The following RIMS1 variants were observed in gnomAD, a reference collection of about 807,000 sequenced individuals.
RIMS1 encodes the protein regulating synaptic membrane exocytosis 1.
Under a neutral mutation model 214.1 loss-of-function variants are expected in RIMS1, and 83 were observed. The observed-to-expected ratio is 0.39, with a 90% confidence interval of 0.32 to 0.47. The LOEUF is 0.47. RIMS1 is among the 20% of genes least tolerant of loss of function. The probability of loss-of-function intolerance (pLI) is 0.99; values close to 1 mark genes in which losing one functional copy is unlikely to be tolerated. For synonymous variants in RIMS1, 793 were observed against 786.8 expected (o/e 1.01, Z -0.13); for missense variants, 2,050 against 2,161.8 (o/e 0.95, Z 1.03).
chr6:71,905,554 G>T (rs1775011659), intron 1 of RIMS1, among the ~76,000 whole-genome samples: 1 of 151,370 alleles, frequency 6.6e-6, no homozygotes, highest in Admixed American at 6.6e-5. Context: ...ATTTAAGTTA[G>T]AATAATTTAA....
chr6:72,230,329 A>AAT (rs2061548331), intron 6 of RIMS1, among the ~76,000 whole-genome samples: 1 of 151,678 alleles, frequency 6.6e-6, no homozygotes, highest in Non-Finnish European at 1.5e-5. Context: ...GATAGTCAAG[A>AAT]AGTTCAAATT....
rs773456988 is a variant in RIMS1, at chr6:71,969,004, G to A, written c.186G>A (p.Ala62=). 25 of 1,613,958 alleles carry A rather than the reference G, an allele frequency of 1.5e-5. No individual in the cohort carries two copies. Among genetic ancestry groups the A allele is most frequent in the African/African-American group, 2.7e-5 (2 of 75,052 alleles). The change falls in exon 2 of 34, where the codon GCG becomes GCA. Residue 62 remains alanine, a synonymous_variant. Coordinates refer to ENST00000521978, the MANE Select transcript of RIMS1 (RefSeq NM_014989.7). ...AMLKCVVRDM[A]KPAACKTPRN... ...CCAGGTGTGTTGTCAGGGACATGGC[G>A]AAGCCTGCTGCCTGCAAAACACCAA... is the stretch of plus-strand genomic sequence containing the variant.
chr6:71,929,859 T>G (rs2150885035), intron 1 of RIMS1, among the ~76,000 whole-genome samples: 1 of 152,142 alleles, frequency 6.6e-6, no homozygotes, highest in South Asian at 2.1e-4. Context: ...TCTGTAAAAC[T>G]TGGTGTGAAA....
chr6:72,330,232 TTGC>T (rs2154336790), intron 28 of RIMS1, among the ~76,000 whole-genome samples: 1 of 151,946 alleles, frequency 6.6e-6, no homozygotes, highest in South Asian at 2.1e-4. Context: ...GTGACAGGAT[TTGC>T]TGTGTGGAGT....
chr6:72,271,278 AAAAAAAAAATAT>A (rs1342210641), intron 22 of RIMS1, among the ~76,000 whole-genome samples: 102 of 51,274 alleles, frequency 2.0e-3, no homozygotes, highest in African/African-American at 5.8e-3. Flanking sequence ...GGAAAAAAAA[AAAAAAAAAATAT>A]ATATATATAT....
intron 26 of RIMS1, among the ~76,000 whole-genome samples, chr6:72,293,174 A>T (rs1159597073): frequency 6.6e-6 from 1 of 152,034 alleles, no homozygotes; most frequent in Non-Finnish European, 1.5e-5. Flanking sequence ...CACTGGTGTG[A>T]TAAACTCTGA....
chr6:72,000,915 T>G (rs1804983668), intron 2 of RIMS1, among the ~76,000 whole-genome samples: 1 of 152,202 alleles, frequency 6.6e-6, no homozygotes, highest in African/African-American at 2.4e-5. Context: ...CAAATTTTTT[T>G]TTAACTACTA....
At chr6:71,977,751 CAG>C (rs144129461) in intron 2 of RIMS1, among the ~76,000 whole-genome samples, 17,917 of 152,082 alleles carry the variant, frequency 0.12, 1,250 homozygotes, top group South Asian at 0.19. Context: ...ATGTGGAAAA[CAG>C]AGTATCATGT....
intron 28 of RIMS1, among the ~76,000 whole-genome samples, chr6:72,331,388 G>A (rs915180226): frequency 8.6e-5 from 13 of 151,798 alleles, no homozygotes; most frequent in African/African-American, 7.2e-5. Flanking sequence ...AATAACCATT[G>A]TGGAGAGTGG....
intron 1 of RIMS1, among the ~76,000 whole-genome samples, chr6:71,949,523 C>T (rs909742514): frequency 2.0e-5 from 3 of 152,112 alleles, no homozygotes; most frequent in East Asian, 1.9e-4. Context: ...TGGGCAAAGT[C>T]GCCCCTCTAA....
intron 31 of RIMS1, among the ~76,000 whole-genome samples, chr6:72,394,039 A>G (rs2746196): frequency 0.45 from 67,324 of 150,102 alleles, 15,506 homozygotes; most frequent in Middle Eastern, 0.49. Flanking sequence ...AAAAAAAAAA[A>G]AAAGATGGAA....
At chr6:72,051,553 G>A (rs1396567105) in intron 2 of RIMS1, among the ~76,000 whole-genome samples, 1 of 152,168 alleles carries the variant, frequency 6.6e-6, no homozygotes, top group East Asian at 1.9e-4. Flanking sequence ...GCCTAGTCGT[G>A]GCTTGTGAAA....
intron 1 of RIMS1, among the ~76,000 whole-genome samples, chr6:71,937,812 C>A (rs1402085501): frequency 6.6e-6 from 1 of 152,130 alleles, no homozygotes; most frequent in Non-Finnish European, 1.5e-5. Context: ...ACAGTTAAAT[C>A]ATAGAATTCT....
intron 22 of RIMS1, among the ~76,000 whole-genome samples, chr6:72,269,940 G>A (rs1014367240): frequency 1.3e-5 from 2 of 151,982 alleles, no homozygotes; most frequent in African/African-American, 4.8e-5. Context: ...CCTGTCCTCA[G>A]TCCCGCCACC....
chr6:72,257,555 G>A (rs1195097939), intron 16 of RIMS1, among the ~76,000 whole-genome samples: 2 of 152,034 alleles, frequency 1.3e-5, no homozygotes, highest in African/African-American at 4.8e-5. Flanking sequence ...GAAAATTGCA[G>A]TATTATTTGT....
chr6:71,984,215 A>T (rs1363807783), intron 2 of RIMS1, among the ~76,000 whole-genome samples: 1 of 152,174 alleles, frequency 6.6e-6, no homozygotes, highest in Admixed American at 6.6e-5. Flanking sequence ...GGCTTAAAAA[A>T]CATCTCTCTA....
chr6:72,130,078 T>C (rs2040207474), intron 4 of RIMS1, among the ~76,000 whole-genome samples: 1 of 152,182 alleles, frequency 6.6e-6, no homozygotes. Flanking sequence ...TCAACCGATT[T>C]TGTTTCACTT....
At chr6:72,219,994 G>C (rs1421461297) in intron 6 of RIMS1, among the ~76,000 whole-genome samples, 1 of 151,990 alleles carries the variant, frequency 6.6e-6, no homozygotes, top group Non-Finnish European at 1.5e-5. Flanking sequence ...TATATTAAAG[G>C]CTTTTGAAAA....
chr6:72,230,281 A>G (rs1301985520), intron 6 of RIMS1, among the ~76,000 whole-genome samples: 1 of 151,702 alleles, frequency 6.6e-6, no homozygotes, highest in African/African-American at 2.4e-5. Context: ...ATTATTCATT[A>G]TAATGATGTT....
Sources: gnomAD v4.1 joint callset for allele counts (sites outside exome capture counted in the v4.1 genomes callset) on GRCh38, gnomAD v4.1.1 for gene constraint, MANE v1.5 for transcripts, NCBI Gene and HGNC (gene_info 2026-07-23, HGNC 2026-07-21) for gene names.